The following ADAMTS16 variants were observed in gnomAD, a reference collection of about 807,000 sequenced individuals.
ADAMTS16 encodes the protein A disintegrin and metalloproteinase with thrombospondin motifs 16.
In ADAMTS16, 94 loss-of-function variants were observed where a neutral mutation model predicts 145.8. The observed-to-expected ratio is 0.64, with a 90% CI of 0.55 to 0.77. The LOEUF (loss-of-function observed/expected upper bound fraction) is 0.77. Among genes scored for constraint, ADAMTS16 ranks in the 30% least tolerant of loss-of-function variants. The probability of loss-of-function intolerance (pLI) is 0.00; values close to 1 mark genes in which losing one functional copy is unlikely to be tolerated. For synonymous variants in ADAMTS16, 659 were observed against 604.3 expected (o/e 1.09, Z -1.33); for missense variants, 1,585 against 1,591.5 (o/e 1.00, Z 0.07).
chr5:5,311,473 A>G (rs1001267245), intron 21 of ADAMTS16, among the ~76,000 whole-genome samples: 2 of 151,536 alleles, frequency 1.3e-5, no homozygotes, highest in African/African-American at 4.9e-5. Context: ...TCCAAATGAC[A>G]CGACCCTTCA....
intron 20 of ADAMTS16, among the ~76,000 whole-genome samples, chr5:5,305,469 A>T (rs1473663013): frequency 1.2e-5 from 1 of 81,168 alleles, no homozygotes. Flanking sequence ...ACACACACAC[A>T]TCCCACACCA....
At chr5:5,183,965 G>A (rs935726048) in intron 4 of ADAMTS16, among the ~76,000 whole-genome samples, 2 of 152,232 alleles carry the variant, frequency 1.3e-5, no homozygotes, top group African/African-American at 4.8e-5. Flanking sequence ...ACTGCCTCTT[G>A]TAGGTGGAGG....
intron 3 of ADAMTS16, among the ~76,000 whole-genome samples, chr5:5,175,533 C>T (rs779227988): frequency 2.0e-5 from 3 of 152,116 alleles, no homozygotes; most frequent in Admixed American, 6.5e-5. Flanking sequence ...AAGTTGCATG[C>T]CCCCAAGTCC....
At chr5:5,258,601 A>G (rs533927003) in intron 17 of ADAMTS16, among the ~76,000 whole-genome samples, 2 of 152,316 alleles carry the variant, frequency 1.3e-5, no homozygotes, top group Admixed American at 1.3e-4. Context: ...AGGGATGAGA[A>G]GAAACCTGCT....
At chr5:5,276,111 G>GCCTCA (rs765615495) in intron 18 of ADAMTS16, among the ~76,000 whole-genome samples, 136,966 of 151,512 alleles carry the variant, frequency 0.9, 62,793 homozygotes, top group East Asian at 1. Flanking sequence ...CACCCATCTT[G>GCCTCA]GCCTCCCAAA....
intron 3 of ADAMTS16, among the ~76,000 whole-genome samples, chr5:5,155,937 CAG>C (rs1185986073): frequency 6.6e-6 from 1 of 152,070 alleles, no homozygotes; most frequent in African/African-American, 2.4e-5. Context: ...AGGGAACAGA[CAG>C]AAAGTGAGGA....
At chr5:5,179,875 G>T (rs1735293771) in intron 3 of ADAMTS16, among the ~76,000 whole-genome samples, 1 of 152,124 alleles carries the variant, frequency 6.6e-6, no homozygotes, top group African/African-American at 2.4e-5. Flanking sequence ...ACCCCCAGTG[G>T]TAACACTGCA....
Position 5,200,272 on chromosome 5 carries a change from A to G in ADAMTS16, c.1451+3A>G, listed in dbSNP as rs1735920889. ...CAGTATCTACACAAATTTCTAAGGT[A>G]GGAACTCTTTAAGCTGGTCTTGTGA... On this transcript the variant is annotated splice_donor_region_variant and intron_variant, in intron 9 of 22. Transcript: ENST00000274181. The G allele has an allele frequency of 6.2e-7, 1 of 1,613,938 alleles. No individual in the cohort carries two copies. Among genetic ancestry groups the G allele is most frequent in the Non-Finnish European group, 8.5e-7 (1 of 1,179,894 alleles).
chr5:5,242,036 CCT>C lies in ADAMTS16; in HGVS notation c.2524-16_2524-15del. ...TGCATTAATTTGTTTTATTTTTTCC[CCT>C]TTCTTATTTTGTAGCTGCTGTTTCA... On this transcript the variant is annotated splice_polypyrimidine_tract_variant and intron_variant, in intron 16 of 22. Coordinates refer to ENST00000274181, the MANE Select transcript of ADAMTS16 (RefSeq NM_139056.4). The C allele has an allele frequency of 6.2e-7, 1 of 1,612,722 alleles. No homozygotes were observed. The highest frequency in any genetic ancestry group is 8.5e-7 in the Non-Finnish European group (1 of 1,179,294).
chr5:5,202,652 A>G (rs1316534758), intron 9 of ADAMTS16, among the ~76,000 whole-genome samples: 1 of 152,192 alleles, frequency 6.6e-6, no homozygotes, highest in Non-Finnish European at 1.5e-5. Flanking sequence ...AGTTTTCTAT[A>G]TTCCAGATCC....
intron 8 of ADAMTS16, among the ~76,000 whole-genome samples, chr5:5,192,623 G>T (rs1397411468): frequency 6.6e-6 from 1 of 152,046 alleles, no homozygotes; most frequent in African/African-American, 2.4e-5. Context: ...AAGTTTCAGG[G>T]AGCCCCACGA....
At chr5:5,242,942 A>T (rs1737337601) in intron 17 of ADAMTS16, among the ~76,000 whole-genome samples, 1 of 152,232 alleles carries the variant, frequency 6.6e-6, no homozygotes, top group Non-Finnish European at 1.5e-5. Context: ...GGCCAAATGG[A>T]TTTCAGCTTT....
intron 8 of ADAMTS16, among the ~76,000 whole-genome samples, chr5:5,199,881 A>G (rs575865630): frequency 6.6e-6 from 1 of 152,294 alleles, no homozygotes; most frequent in Admixed American, 6.5e-5. Context: ...TTCAATACGC[A>G]GGCATCTGGA....
intron 3 of ADAMTS16, among the ~76,000 whole-genome samples, chr5:5,162,392 C>G (rs1405417115): frequency 6.6e-6 from 1 of 152,190 alleles, no homozygotes; most frequent in African/African-American, 2.4e-5. Context: ...CCGGAAACCA[C>G]AGCATGGCTA....
At chr5:5,232,306 G>A in intron 11 of ADAMTS16, 62 bp from the exon 12 acceptor site, 1 of 1,592,658 alleles carries the variant, frequency 6.3e-7, no homozygotes, top group Non-Finnish European at 8.6e-7. Context: ...TAGCAGTGAT[G>A]AGATGAACCC....
rs1053007788 is a variant in ADAMTS16 at position 5,214,236 on chromosome 5, A to C, written c.1605+4990A>C. Among the ~76,000 whole-genome samples the C allele has an allele frequency of 3.9e-5, 6 of 152,198 alleles. 1 individual carries two copies. Among genetic ancestry groups the C allele is most frequent in the Admixed American group, 3.9e-4 (6 of 15,282 alleles). On this transcript the variant is annotated intron_variant, in intron 10 of 22. Transcript: ENST00000274181. ...TTGTGGCAGTTTTGTTTTGTTTTGC[A>C]GAAAAGTGAATTTGATACCAGTTAC...
At chr5:5,284,657 G>A (rs1022847732) in intron 18 of ADAMTS16, among the ~76,000 whole-genome samples, 1 of 152,162 alleles carries the variant, frequency 6.6e-6, no homozygotes, top group Non-Finnish European at 1.5e-5. Flanking sequence ...TCTCCACTTG[G>A]TGTCTTCATT....
At chr5:5,275,148 A>T (rs1455373182) in intron 18 of ADAMTS16, among the ~76,000 whole-genome samples, 1 of 152,196 alleles carries the variant, frequency 6.6e-6, no homozygotes, top group Non-Finnish European at 1.5e-5. Context: ...GGTTGGAGGG[A>T]AGAACACAAT....
intron 22 of ADAMTS16, 115 bp from the exon 23 acceptor site, chr5:5,318,908 G>A (rs949029215): frequency 1.6e-5 from 12 of 738,622 alleles, no homozygotes; most frequent in Non-Finnish European, 2.8e-5. Flanking sequence ...CTGCCTCTCT[G>A]CAGCAGCCGC....
Sources: allele counts gnomAD v4.1 joint callset (sites outside exome capture counted in the v4.1 genomes callset), GRCh38; gene constraint gnomAD v4.1.1; transcripts MANE v1.5; gene names NCBI Gene and HGNC (gene_info 2026-07-23, HGNC 2026-07-21).